The following PPP1R16B variants were observed in gnomAD, a reference collection of about 807,000 sequenced individuals.
The protein encoded by PPP1R16B is protein phosphatase 1 regulatory subunit 16B, also known as protein phosphatase 1 regulatory inhibitor subunit 16B.
PPP1R16B carries 14 observed loss-of-function variants against 61.7 expected under a neutral mutation model. The ratio of observed to expected loss-of-function variants is 0.23; its 90% CI spans 0.15 to 0.35. The LOEUF (loss-of-function observed/expected upper bound fraction) is 0.35, where lower values mean the gene tolerates loss of function less well. Among genes scored for constraint, PPP1R16B ranks in the 10% least tolerant of loss-of-function variants. The pLI is 1.00. For missense variants in PPP1R16B, 547 were observed against 752.5 expected (o/e 0.73, Z 3.19); for synonymous variants, 266 against 305.3 (o/e 0.87, Z 1.34).
At chr20:38,871,696 A>C (rs556445022) in intron 2 of PPP1R16B, among the ~76,000 whole-genome samples, 8 of 147,870 alleles carry the variant, frequency 5.4e-5, no homozygotes, top group Non-Finnish European at 1.2e-4. Context: ...GAGGGAAAGA[A>C]AGGGGAAGGA....
At chr20:38,888,461 C>T (rs62201383) in intron 2 of PPP1R16B, among the ~76,000 whole-genome samples, 1 of 152,208 alleles carries the variant, frequency 6.6e-6, no homozygotes, top group Non-Finnish European at 1.5e-5. Context: ...GAAGCTGGAT[C>T]CAGGGAAGAT....
chr20:38,876,463 T>C lies in PPP1R16B; in HGVS notation c.251-13132T>C, dbSNP rs74728822. ...AGGGAGCGTGTGTTCCAATTAGTTT[T>C]TGGACACTGATATGCCACTTTCATG... On this transcript the variant is annotated intron_variant, in intron 2 of 10. Transcript: ENST00000299824. Among the ~76,000 whole-genome samples, 23 of 152,286 alleles carry C rather than the reference T, an allele frequency of 1.5e-4. No homozygotes were observed. In the East Asian group the frequency reaches 4.2e-3, roughly 28 times the overall value.
At chr20:38,869,390 C>A (rs892178117) in intron 2 of PPP1R16B, among the ~76,000 whole-genome samples, 11 of 152,196 alleles carry the variant, frequency 7.2e-5, no homozygotes, top group African/African-American at 2.6e-4. Context: ...AACTCCTGAC[C>A]TCAGGTGATC....
At position 38,836,181 on chromosome 20, in the gene PPP1R16B, C is replaced by T; in HGVS notation, c.250+6C>T. The T allele has an allele frequency of 6.2e-7, 1 of 1,604,606 alleles. No individual in the cohort carries two copies. The highest frequency in any genetic ancestry group is 1.1e-5 in the South Asian group (1 of 90,532). On this transcript the variant is annotated splice_donor_region_variant and intron_variant, in intron 2 of 10. Coordinates refer to ENST00000299824, the MANE Select transcript of PPP1R16B (RefSeq NM_015568.4). ...GAGGAACGACGCCGAGGAAGGTAGG[C>T]CCCTCTGTGCCTTGGCGGCCACGCA...
intron 2 of PPP1R16B, among the ~76,000 whole-genome samples, chr20:38,839,405 A>G (rs1324794225): frequency 6.6e-6 from 1 of 152,222 alleles, no homozygotes; most frequent in East Asian, 1.9e-4. Flanking sequence ...TTCAGAACCT[A>G]AATATGCACA....
intron 1 of PPP1R16B, among the ~76,000 whole-genome samples, chr20:38,813,152 A>T (rs1054078391): frequency 6.6e-6 from 1 of 152,186 alleles, no homozygotes; most frequent in Non-Finnish European, 1.5e-5. Flanking sequence ...GGAGTCACAG[A>T]TGTTCACTGT....
chr20:38,828,610 G>A (rs2084818389), intron 1 of PPP1R16B, among the ~76,000 whole-genome samples: 1 of 152,202 alleles, frequency 6.6e-6, no homozygotes, highest in South Asian at 2.1e-4. Context: ...CTTCCTGCAG[G>A]GATGGTGGCA....
chr20:38,880,224 T>G (rs2085195183), intron 2 of PPP1R16B, among the ~76,000 whole-genome samples: 1 of 152,142 alleles, frequency 6.6e-6, no homozygotes, highest in Non-Finnish European at 1.5e-5. Context: ...TAGTGTTAAG[T>G]CTTTTTGGAG....
intron 2 of PPP1R16B, among the ~76,000 whole-genome samples, chr20:38,868,646 T>A (rs2145742768): frequency 6.6e-6 from 1 of 152,270 alleles, no homozygotes; most frequent in South Asian, 2.1e-4. Context: ...GCCTCCCAAA[T>A]GGTAACATTT....
At chr20:38,864,368 TAAAAATG>T (rs1303288646) in intron 2 of PPP1R16B, among the ~76,000 whole-genome samples, 1 of 152,230 alleles carries the variant, frequency 6.6e-6, no homozygotes, top group Non-Finnish European at 1.5e-5. Context: ...TAAAGCCGTT[TAAAAATG>T]AAAAGTCAGG....
chr20:38,810,851 C>T (rs558065523), intron 1 of PPP1R16B, among the ~76,000 whole-genome samples: 2 of 152,292 alleles, frequency 1.3e-5, no homozygotes, highest in South Asian at 2.1e-4. Flanking sequence ...CAGGAACTCA[C>T]GTCTTGGGGG....
At chr20:38,836,605 G>A (rs1364544442) in intron 2 of PPP1R16B, among the ~76,000 whole-genome samples, 1 of 152,188 alleles carries the variant, frequency 6.6e-6, no homozygotes, top group East Asian at 1.9e-4. Context: ...TGATCTGCCC[G>A]CCATTGGTCT....
intron 2 of PPP1R16B, among the ~76,000 whole-genome samples, chr20:38,854,156 C>T (rs889755852): frequency 2.6e-5 from 4 of 152,146 alleles, no homozygotes; most frequent in Non-Finnish European, 4.4e-5. Flanking sequence ...CTATTGATGT[C>T]CCTGGAATGT....
chr20:38,867,392 A>G (rs897973890), intron 2 of PPP1R16B, among the ~76,000 whole-genome samples: 3 of 152,202 alleles, frequency 2.0e-5, no homozygotes, highest in Admixed American at 6.5e-5. Context: ...TCCATGGTTC[A>G]GATGCTGGGA....
At chr20:38,889,031 G>C (rs2085270305) in intron 2 of PPP1R16B, among the ~76,000 whole-genome samples, 1 of 152,110 alleles carries the variant, frequency 6.6e-6, no homozygotes, top group African/African-American at 2.4e-5. Context: ...ACCCATAGGT[G>C]AGCCATCACC....
At chr20:38,895,916 C>CCTCCCTTCCTCCTTCCTTCTTTCTCT (rs2085336339) in intron 4 of PPP1R16B, among the ~76,000 whole-genome samples, 5 of 39,330 alleles carry the variant, frequency 1.3e-4, no homozygotes, top group Admixed American at 2.7e-4. Context: ...CTTCTTTCTT[C>CCTCCCTTCCTCCTTCCTTCTTTCTCT]CCTCCCTCCC....
rs183971343 is a variant in PPP1R16B, at chr20:38,909,349, A to C, written c.1194+1156A>C. 2.0e-5 allele frequency among the ~76,000 whole-genome samples: 3 copies of C among 152,338 alleles called. No individual in the cohort carries two copies. The East Asian group carries it at 5.8e-4, about 29-fold the overall frequency. ...CAGTCATTGGATTGGAGCCCATGCC[A>C]ATCCAGTATGACCTAATCTTAATTT... is the stretch of plus-strand genomic sequence containing the variant. On this transcript the variant is annotated intron_variant, in intron 10 of 10. Coordinates refer to ENST00000299824, the MANE Select transcript of PPP1R16B (RefSeq NM_015568.4).
chr20:38,913,566 G>A (rs1239284306), intron 10 of PPP1R16B, among the ~76,000 whole-genome samples: 1 of 152,282 alleles, frequency 6.6e-6, no homozygotes. Context: ...TGGCCATGTC[G>A]TTGTTTTTTA....
intron 4 of PPP1R16B, among the ~76,000 whole-genome samples, chr20:38,897,548 C>A (rs2145769859): frequency 6.6e-6 from 1 of 152,324 alleles, no homozygotes; most frequent in South Asian, 2.1e-4. Flanking sequence ...TATTGTGAAT[C>A]ATGCTGTGAC....
Sources: allele counts gnomAD v4.1 joint callset (sites outside exome capture counted in the v4.1 genomes callset), GRCh38; gene constraint gnomAD v4.1.1; transcripts MANE v1.5; gene names NCBI Gene and HGNC (gene_info 2026-07-23, HGNC 2026-07-21).